PCDH7: variants seen among roughly 807,000 people sequenced by gnomAD.
PCDH7 encodes the protein protocadherin-7.
Under a neutral mutation model 58.9 loss-of-function variants are expected in PCDH7, and 17 were observed. That is an observed-to-expected ratio of 0.29 (90% CI 0.20 to 0.43). The LOEUF (loss-of-function observed/expected upper bound fraction) is 0.43. Among genes scored for constraint, PCDH7 ranks in the 20% least tolerant of loss-of-function variants. The probability of loss-of-function intolerance (pLI) is 1.00; values close to 1 mark genes in which losing one functional copy is unlikely to be tolerated. For synonymous variants in PCDH7, 664 were observed against 616.4 expected (o/e 1.08, Z -1.14); for missense variants, 1,274 against 1,441.0 (o/e 0.88, Z 1.88).
At chr4:30,777,078 A>G (rs1430123748) in intron 1 of PCDH7, among the ~76,000 whole-genome samples, 2 of 152,162 alleles carry the variant, frequency 1.3e-5, no homozygotes, top group Admixed American at 6.5e-5. Context: ...AGTGGAGTGT[A>G]GTCTACTTAA....
At chr4:31,110,540 C>CA (rs1400335313) in intron 3 of PCDH7, among the ~76,000 whole-genome samples, 12 of 152,252 alleles carry the variant, frequency 7.9e-5, no homozygotes, top group Admixed American at 2.6e-4. Flanking sequence ...TCTCTATATA[C>CA]AAAAACGTAT....
At chr4:31,135,317 G>T (rs1484205312) in intron 3 of PCDH7, among the ~76,000 whole-genome samples, 1 of 152,148 alleles carries the variant, frequency 6.6e-6, no homozygotes, top group Non-Finnish European at 1.5e-5. Flanking sequence ...TGATCTGTGA[G>T]GTTGTAAAGA....
At chr4:31,056,453 A>G (rs13101675) in intron 3 of PCDH7, among the ~76,000 whole-genome samples, 7,806 of 45,308 alleles carry the variant, frequency 0.17, 482 homozygotes, top group African/African-American at 0.29. Context: ...AAAGAAAGAA[A>G]GAAAGAAGAA....
At chr4:31,049,041 C>T (rs573296788) in intron 3 of PCDH7, among the ~76,000 whole-genome samples, 48 of 152,184 alleles carry the variant, frequency 3.2e-4, no homozygotes, top group African/African-American at 1.0e-3. Flanking sequence ...GGTACATGTG[C>T]ACAACGTGCA....
At chr4:30,940,506 G>A (rs1274851121) in intron 2 of PCDH7, among the ~76,000 whole-genome samples, 1 of 151,812 alleles carries the variant, frequency 6.6e-6, no homozygotes, top group African/African-American at 2.4e-5. Context: ...AATATTTTTT[G>A]TGCATTATGT....
At chr4:30,930,654 G>T (rs946403954) in intron 2 of PCDH7, among the ~76,000 whole-genome samples, 1 of 152,156 alleles carries the variant, frequency 6.6e-6, no homozygotes, top group African/African-American at 2.4e-5. Flanking sequence ...AAATCAGGCT[G>T]GGCAAGGTGG....
chr4:30,922,798 C>T (rs1284420757), intron 2 of PCDH7, among the ~76,000 whole-genome samples: 3 of 152,048 alleles, frequency 2.0e-5, no homozygotes, highest in African/African-American at 7.2e-5. Flanking sequence ...TAGCCTTGAT[C>T]TATAGGTAAT....
chr4:30,963,430 G>T (rs1345305413), intron 3 of PCDH7, among the ~76,000 whole-genome samples: 6 of 152,004 alleles, frequency 3.9e-5, no homozygotes, highest in African/African-American at 1.2e-4. Flanking sequence ...GTATATATTT[G>T]CATCATTATA....
chr4:30,909,330 G>A (rs1436266228), intron 1 of PCDH7, among the ~76,000 whole-genome samples: 2 of 152,138 alleles, frequency 1.3e-5, no homozygotes, highest in Admixed American at 6.5e-5. Flanking sequence ...GTTCTGGCCA[G>A]GGCAATCAGG....
intron 3 of PCDH7, among the ~76,000 whole-genome samples, chr4:31,001,488 A>T (rs1752359767): frequency 6.6e-6 from 1 of 152,122 alleles, no homozygotes; most frequent in Non-Finnish European, 1.5e-5. Flanking sequence ...TTTTTAAAGT[A>T]TATGTTTGTG....
intron 3 of PCDH7, among the ~76,000 whole-genome samples, chr4:31,062,323 G>A (rs764306882): frequency 6.6e-6 from 1 of 151,502 alleles, no homozygotes; most frequent in Non-Finnish European, 1.5e-5. Context: ...TGTTGCAACT[G>A]GATAACGCAT....
At chr4:31,082,859 TG>T (rs1251376874) in intron 3 of PCDH7, among the ~76,000 whole-genome samples, 3 of 152,100 alleles carry the variant, frequency 2.0e-5, no homozygotes, top group African/African-American at 4.8e-5. Flanking sequence ...CCCAGCACTT[TG>T]GGAGGCCAAG....
intron 1 of PCDH7, among the ~76,000 whole-genome samples, chr4:30,915,332 T>A (rs1247475841): frequency 6.6e-6 from 1 of 152,166 alleles, no homozygotes; most frequent in Non-Finnish European, 1.5e-5. Context: ...CCTACAATTG[T>A]TCCCCAGAGT....
chr4:31,093,007 A>G (rs1046043102), intron 3 of PCDH7, among the ~76,000 whole-genome samples: 1 of 152,078 alleles, frequency 6.6e-6, no homozygotes, highest in African/African-American at 2.4e-5. Flanking sequence ...TGTCTGAACC[A>G]GGCTGTCCCA....
chr4:30,979,264 T>C (rs1000305940), intron 3 of PCDH7, among the ~76,000 whole-genome samples: 1 of 149,344 alleles, frequency 6.7e-6, no homozygotes, highest in Non-Finnish European at 1.5e-5. Flanking sequence ...AGGAGGAGCT[T>C]GCAGTGAGCC....
chr4:30,911,557 T>C (rs4692488), intron 1 of PCDH7, among the ~76,000 whole-genome samples: 105,028 of 151,498 alleles, frequency 0.69, 36,650 homozygotes, highest in African/African-American at 0.79. Flanking sequence ...ATGATTGTGT[T>C]AACAATATAG....
At chr4:31,074,416 C>G (rs747407601) in intron 3 of PCDH7, among the ~76,000 whole-genome samples, 1 of 151,846 alleles carries the variant, frequency 6.6e-6, no homozygotes. Flanking sequence ...CGAGTACAAA[C>G]TATATTTGGG....
At chr4:30,728,292 T>TAGAG (rs1346165373) in intron 1 of PCDH7, among the ~76,000 whole-genome samples, 42 of 99,174 alleles carry the variant, frequency 4.2e-4, no homozygotes, top group African/African-American at 7.5e-4. Flanking sequence ...TATATATATA[T>TAGAG]ATATAGAGAG....
rs780354822 is a variant in PCDH7, at chr4:30,722,628, C to G, written c.1206C>G (p.Val402=). The change falls in exon 1 of 2, where the codon GTC becomes GTG. Residue 402 remains valine, a synonymous_variant. Transcript: ENST00000361762. This position sits in a 1 kb window ranked among gnomAD's most constrained non-coding sequence, Gnocchi z 7.6. ...CCAAGACCGACAAGGCCACCGTGGTCCTTAACATCAAAGACGAGAACGACA... is the reference window on the plus strand; with the variant it reads ...CCAAGACCGACAAGGCCACCGTGGTGCTTAACATCAAAGACGAGAACGACA... 8.1e-6 allele frequency: 13 copies of G among 1,613,424 alleles called. No homozygotes were observed. Among genetic ancestry groups the G allele is most frequent in the Non-Finnish European group, 8.5e-6 (10 of 1,180,042 alleles).
Sources: gnomAD v4.1 joint callset for allele counts (sites outside exome capture counted in the v4.1 genomes callset) on GRCh38, gnomAD v4.1.1 for gene constraint, Gnocchi (gnomAD v3.1) non-coding constraint, MANE v1.5 for transcripts, NCBI Gene and HGNC (gene_info 2026-07-23, HGNC 2026-07-21) for gene names.